The following TNFSF4 variants were observed in gnomAD, a reference collection of about 807,000 sequenced individuals.
The protein encoded by TNFSF4 is tumor necrosis factor ligand superfamily member 4.
In TNFSF4, 4 loss-of-function variants were observed where a neutral mutation model predicts 7.3. The observed-to-expected ratio is 0.55, with a 90% CI of 0.27 to 1.25. The LOEUF is 1.25. Among genes scored for constraint, TNFSF4 ranks in the 50% most tolerant of loss-of-function variants. The pLI, the probability that TNFSF4 is intolerant of heterozygous loss-of-function variation, is 0.12. For synonymous variants in TNFSF4, 76 were observed against 83.7 expected (o/e 0.91, Z 0.50); for missense variants, 181 against 208.8 (o/e 0.87, Z 0.82).
chr1:173,279,067 C>T, the TNFSF4 span, among the ~76,000 whole-genome samples: 21 of 152,214 alleles, frequency 1.4e-4, no homozygotes, highest in African/African-American at 4.1e-4. Flanking sequence ...TGGCCACTGA[C>T]TCAATTACTA....
chr1:173,304,738 C>T, the TNFSF4 span, among the ~76,000 whole-genome samples: 1 of 151,960 alleles, frequency 6.6e-6, no homozygotes. Flanking sequence ...GCCCTCATGG[C>T]ATGGAACCTG....
chr1:173,378,731 T>C, the TNFSF4 span, among the ~76,000 whole-genome samples: 137 of 152,294 alleles, frequency 9.0e-4, no homozygotes, highest in Admixed American at 3.5e-3. Context: ...GCTTGCAATT[T>C]ACATCCCACA....
At chr1:173,444,311 C>G in the TNFSF4 span, among the ~76,000 whole-genome samples, 2 of 152,042 alleles carry the variant, frequency 1.3e-5, no homozygotes, top group Non-Finnish European at 2.9e-5. Flanking sequence ...TACACATACT[C>G]TGAACTAAAA....
chr1:173,379,607 C>A, the TNFSF4 span, among the ~76,000 whole-genome samples: 11 of 152,032 alleles, frequency 7.2e-5, no homozygotes, highest in Admixed American at 5.2e-4. Flanking sequence ...CCTGAACAAA[C>A]TCTGGAGGCG....
At chr1:173,230,283 A>C in the TNFSF4 span, among the ~76,000 whole-genome samples, 9 of 152,352 alleles carry the variant, frequency 5.9e-5, no homozygotes, top group East Asian at 1.7e-3. Flanking sequence ...ACTCACTCAA[A>C]ACAGCTCAAC....
the TNFSF4 span, among the ~76,000 whole-genome samples, chr1:173,410,717 C>T: frequency 6.6e-6 from 1 of 152,206 alleles, no homozygotes; most frequent in Non-Finnish European, 1.5e-5. Context: ...GAAGTGGTCT[C>T]ACCATGTCAC....
chr1:173,218,752 AAGAC>A, the TNFSF4 span, among the ~76,000 whole-genome samples: 6 of 152,314 alleles, frequency 3.9e-5, no homozygotes, highest in Middle Eastern at 3.4e-3. Flanking sequence ...AGAAAAATAA[AAGAC>A]AGAAAAGTGT....
At chr1:173,258,175 C>A in the TNFSF4 span, among the ~76,000 whole-genome samples, 1 of 151,762 alleles carries the variant, frequency 6.6e-6, no homozygotes, top group South Asian at 2.1e-4. Flanking sequence ...AATAAAAAAG[C>A]AGGATTGGGG....
chr1:173,272,463 G>T, the TNFSF4 span, among the ~76,000 whole-genome samples: 1 of 151,970 alleles, frequency 6.6e-6, no homozygotes, highest in Non-Finnish European at 1.5e-5. Context: ...ACAAAAAGAA[G>T]TCAGAAGGAG....
chr1:173,255,536 G>A, the TNFSF4 span, among the ~76,000 whole-genome samples: 1 of 152,216 alleles, frequency 6.6e-6, no homozygotes, highest in Non-Finnish European at 1.5e-5. Flanking sequence ...TCGTTATAAT[G>A]TGGGTGTGGC....
chr1:173,391,946 C>T, the TNFSF4 span, among the ~76,000 whole-genome samples: 1 of 152,110 alleles, frequency 6.6e-6, no homozygotes, highest in Non-Finnish European at 1.5e-5. Context: ...CTTTAAATTC[C>T]ATAAGTTACC....
At chr1:173,302,592 T>C in the TNFSF4 span, among the ~76,000 whole-genome samples, 1 of 151,912 alleles carries the variant, frequency 6.6e-6, no homozygotes, top group Non-Finnish European at 1.5e-5. Context: ...TAACAGGGTA[T>C]GACATCAGTT....
the TNFSF4 span, among the ~76,000 whole-genome samples, chr1:173,176,194 A>G: frequency 6.6e-6 from 1 of 152,176 alleles, no homozygotes; most frequent in Non-Finnish European, 1.5e-5. Flanking sequence ...TATCCGTAAA[A>G]ACTAACTACC....
the TNFSF4 span, among the ~76,000 whole-genome samples, chr1:173,404,612 A>T: frequency 6.7e-6 from 1 of 149,306 alleles, no homozygotes. Flanking sequence ...TCACCTCTAC[A>T]ATAAGGCCAT....
chr1:173,411,043 T>A, the TNFSF4 span, among the ~76,000 whole-genome samples: 3 of 152,216 alleles, frequency 2.0e-5, no homozygotes, highest in Admixed American at 6.5e-5. Context: ...TCCCTCTGAT[T>A]TCCCCCTGCT....
At chr1:173,299,432 A>G in the TNFSF4 span, among the ~76,000 whole-genome samples, 1 of 151,852 alleles carries the variant, frequency 6.6e-6, no homozygotes, top group Non-Finnish European at 1.5e-5. Context: ...CAGGGCATCT[A>G]TGAGGATTGC....
chr1:173,449,669 G>A, the TNFSF4 span, among the ~76,000 whole-genome samples: 555 of 152,068 alleles, frequency 3.6e-3, 4 homozygotes, highest in African/African-American at 0.013. Context: ...ATGCAAGCAC[G>A]GACTAATACA....
chr1:173,249,327 G>C, the TNFSF4 span, among the ~76,000 whole-genome samples: 38 of 152,296 alleles, frequency 2.5e-4, no homozygotes, highest in African/African-American at 8.9e-4. Context: ...CTAGATATCA[G>C]GGAAAAGATC....
the TNFSF4 span, among the ~76,000 whole-genome samples, chr1:173,325,664 TA>T: frequency 1.3e-5 from 2 of 151,732 alleles, no homozygotes; most frequent in African/African-American, 4.8e-5. Flanking sequence ...ATAGACGCAA[TA>T]AAAAATGACA....
Sources: allele counts gnomAD v4.1 joint callset (sites outside exome capture counted in the v4.1 genomes callset), GRCh38; gene constraint gnomAD v4.1.1; transcripts MANE v1.5; gene names NCBI Gene and HGNC (gene_info 2026-07-23, HGNC 2026-07-21).